The following NRG2 variants were observed in gnomAD, a reference collection of about 807,000 sequenced individuals.
NRG2 encodes the protein neuregulin 2.
A neutral mutation model predicts 73.9 loss-of-function variants in NRG2; 27 were observed. The ratio of observed to expected loss-of-function variants is 0.37; its 90% confidence interval spans 0.27 to 0.50. NRG2 has a LOEUF of 0.50. Ranked by LOEUF, NRG2 falls within the 20% of genes least tolerant of loss-of-function variation. The probability of loss-of-function intolerance (pLI) is 0.96; values close to 1 mark genes in which losing one functional copy is unlikely to be tolerated. For missense variants in NRG2, 1,126 were observed against 1,210.1 expected, an observed-to-expected ratio of 0.93 and a Z score of 1.03; for synonymous variants, 532 against 541.0, an observed-to-expected ratio of 0.98 and a Z score of 0.23.
At chr5:139,881,414 C>G (rs1452541008) in intron 2 of NRG2, among the ~76,000 whole-genome samples, 1 of 152,204 alleles carries the variant, frequency 6.6e-6, no homozygotes, top group African/African-American at 2.4e-5. Context: ...GGGCAGCTGT[C>G]CTGACGGATT....
intron 1 of NRG2, among the ~76,000 whole-genome samples, chr5:139,929,782 T>G (rs779612421): frequency 1.6e-4 from 24 of 152,212 alleles, no homozygotes; most frequent in Non-Finnish European, 3.2e-4. Context: ...GACTCCTTCC[T>G]CTGGCTGGGG....
intron 1 of NRG2, among the ~76,000 whole-genome samples, chr5:139,993,929 G>A (rs1411083407): frequency 1.3e-5 from 2 of 152,074 alleles, no homozygotes; most frequent in African/African-American, 4.8e-5. Flanking sequence ...ACTATTACTG[G>A]TATTTATGTT....
chr5:140,012,273 T>G (rs1442232548), intron 1 of NRG2, among the ~76,000 whole-genome samples: 3 of 152,214 alleles, frequency 2.0e-5, no homozygotes, highest in Non-Finnish European at 4.4e-5. Flanking sequence ...GTGCTCCCCC[T>G]TACCTTGTAC....
chr5:140,021,632 T>C (rs1315555924), intron 1 of NRG2, among the ~76,000 whole-genome samples: 1 of 152,210 alleles, frequency 6.6e-6, no homozygotes, highest in East Asian at 1.9e-4. Context: ...ATTTTATTAA[T>C]GCCTTCTTGA....
At chr5:139,855,096 C>A (rs192027650) in intron 6 of NRG2, among the ~76,000 whole-genome samples, 1 of 152,312 alleles carries the variant, frequency 6.6e-6, no homozygotes, top group East Asian at 1.9e-4. Flanking sequence ...GCCCCTACCT[C>A]TTCTCTGTCC....
chr5:139,917,472 G>C (rs1751343423), intron 1 of NRG2, among the ~76,000 whole-genome samples: 1 of 152,106 alleles, frequency 6.6e-6, no homozygotes, highest in African/African-American at 2.4e-5. Context: ...GGCTGGTCTA[G>C]AACTCCTGGG....
intron 1 of NRG2, among the ~76,000 whole-genome samples, chr5:140,037,822 T>C (rs867889851): frequency 1.4e-5 from 2 of 146,950 alleles, no homozygotes; most frequent in Non-Finnish European, 3.0e-5. Context: ...GCAGGAGAAT[T>C]GCTTGAACCA....
chr5:140,002,621 A>G (rs1419948203), intron 1 of NRG2, among the ~76,000 whole-genome samples: 1 of 152,260 alleles, frequency 6.6e-6, no homozygotes, highest in South Asian at 2.1e-4. Flanking sequence ...AGCCGGAGTC[A>G]GAGAGGTCAC....
intron 1 of NRG2, among the ~76,000 whole-genome samples, chr5:139,927,282 C>G (rs997596479): frequency 2.0e-4 from 30 of 152,184 alleles, no homozygotes; most frequent in African/African-American, 6.8e-4. Flanking sequence ...TCCTCCCTCC[C>G]TTCCCTGCTG....
At chr5:139,873,417 T>TA (rs1762984255) in intron 3 of NRG2, among the ~76,000 whole-genome samples, 1 of 152,232 alleles carries the variant, frequency 6.6e-6, no homozygotes, top group East Asian at 1.9e-4. Context: ...CTGCCACTTG[T>TA]AAAATCCCCT....
intron 1 of NRG2, among the ~76,000 whole-genome samples, chr5:139,963,796 T>C (rs1755261590): frequency 6.6e-6 from 1 of 152,152 alleles, no homozygotes; most frequent in Admixed American, 6.5e-5. Flanking sequence ...TTGAATGTCC[T>C]CACTGCTCCC....
intron 1 of NRG2, among the ~76,000 whole-genome samples, chr5:139,980,932 G>A (rs1051062067): frequency 5.9e-5 from 9 of 152,208 alleles, no homozygotes; most frequent in African/African-American, 2.2e-4. Context: ...TGGTTGTGCA[G>A]AGAAGTGGTT....
Position 140,008,951 on chromosome 5 carries a change from C to A in NRG2, c.700+33419G>T, listed in dbSNP as rs745593698. Among the ~76,000 whole-genome samples, 1 of 152,190 alleles carries A rather than the reference C, an allele frequency of 6.6e-6. No individual in the cohort carries two copies. Among genetic ancestry groups the A allele is most frequent in the Non-Finnish European group, 1.5e-5 (1 of 68,038 alleles). ...CAACCTCCCAGGGTTGTTGCAAGGA[C>A]TGAGTGAGAGACAAAACAATTACAC... On this transcript the variant is annotated intron_variant, in intron 1 of 9. Transcript: ENST00000361474. This position sits in a 1 kb window ranked among gnomAD's most constrained non-coding sequence, Gnocchi z 4.2.
chr5:139,998,755 A>G (rs1758216938), intron 1 of NRG2, among the ~76,000 whole-genome samples: 1 of 25,562 alleles, frequency 3.9e-5, no homozygotes, highest in Non-Finnish European at 6.9e-5. Flanking sequence ...AACAAACACT[A>G]TCTACCATCC....
At chr5:139,903,447 C>T (rs964713637) in intron 1 of NRG2, among the ~76,000 whole-genome samples, 1 of 152,210 alleles carries the variant, frequency 6.6e-6, no homozygotes, top group Admixed American at 6.5e-5. Flanking sequence ...TAACAAAACG[C>T]TTGCCTGAAG....
chr5:139,962,970 A>T (rs1029953548), intron 1 of NRG2, among the ~76,000 whole-genome samples: 6 of 152,168 alleles, frequency 3.9e-5, no homozygotes, highest in Non-Finnish European at 8.8e-5. Flanking sequence ...CCCTCTCTAG[A>T]CCTGAAGGTC....
Position 140,042,674 on chromosome 5 carries a change from C to T in NRG2, c.396G>A (p.Glu132=), listed in dbSNP as rs1484777614. 5.0e-6 allele frequency: 8 copies of T among 1,592,622 alleles called. No homozygotes were observed. Among genetic ancestry groups the T allele is most frequent in the Admixed American group, 1.8e-5 (1 of 57,116 alleles). The change falls in exon 1 of 10, where the codon GAG becomes GAA. Residue 132 remains glutamate (E), a synonymous_variant. Coordinates refer to ENST00000361474, the MANE Select transcript of NRG2 (RefSeq NM_004883.3). ...CTGGGACCAGCCCCTGTACCTTGCC[C>T]TCCACCACCACGGGTGCCTTGTACG... is the stretch of plus-strand genomic sequence containing the variant. ...DQAYKAPVVV[E]GKVQGLVPAG... is the part of the protein sequence containing the mutation.
At position 139,904,050 on chromosome 5, in the gene NRG2, C is replaced by T. The variant is rs1765056510; in HGVS notation, c.701-16539G>A. Reference sequence around the variant, plus strand: ...GCAGGCCGGTACCGGCGTGCAGCGCCTCTTGCCCGCCCCTGCGTGGGGACG... The same window carrying T: ...GCAGGCCGGTACCGGCGTGCAGCGCTTCTTGCCCGCCCCTGCGTGGGGACG... On this transcript the variant is annotated intron_variant, in intron 1 of 9. Coordinates refer to ENST00000361474, the MANE Select transcript of NRG2 (RefSeq NM_004883.3). The surrounding 1 kb of genome is among the most constrained non-coding windows in gnomAD (Gnocchi z 6.0). 1.3e-5 allele frequency among the ~76,000 whole-genome samples: 2 copies of T among 152,206 alleles called. No homozygotes were observed. The highest frequency in any genetic ancestry group is 2.9e-5 in the Non-Finnish European group (2 of 68,022).
intron 5 of NRG2, chr5:139,860,002 A>T: frequency 7.2e-7 from 1 of 1,397,250 alleles, no homozygotes; most frequent in Admixed American, 1.8e-5. Flanking sequence ...AGAGACAGAA[A>T]CGTTGGTCAG....
Sources: allele counts gnomAD v4.1 joint callset (sites outside exome capture counted in the v4.1 genomes callset), GRCh38; gene constraint gnomAD v4.1.1; non-coding constraint Gnocchi (gnomAD v3.1); transcripts MANE v1.5; gene names NCBI Gene and HGNC (gene_info 2026-07-23, HGNC 2026-07-21).